Variants in CDKN1A observed in about 807,000 individuals in gnomAD.
CDKN1A encodes the protein cyclin dependent kinase inhibitor 1A, also known as cyclin-dependent kinase inhibitor 1.
A neutral mutation model predicts 14.8 loss-of-function variants in CDKN1A; 14 were observed. The observed-to-expected ratio is 0.94, with a 90% CI of 0.62 to 1.48. The LOEUF (loss-of-function observed/expected upper bound fraction) is 1.48. Ranked by LOEUF, CDKN1A falls within the 40% of genes most tolerant of loss-of-function variation. The pLI is 0.00. For missense variants in CDKN1A, 203 were observed against 231.7 expected (o/e 0.88, Z 0.80); for synonymous variants, 92 against 93.5 (o/e 0.98, Z 0.09).
rs1414782201 is a variant in CDKN1A at position 36,686,450 on chromosome 6, C to A, written c.*650C>A. The A allele has an allele frequency of 4.6e-5, 11 of 239,906 alleles. No individual in the cohort carries two copies. The highest frequency in any genetic ancestry group is 3.2e-4 in the Admixed American group (6 of 18,924). The allele number at this position is 239,906 out of a possible 1,614,324, so 14.9% of individuals were successfully genotyped here. A position where few individuals can be genotyped will look rare whatever the true frequency, so the allele number is the denominator to read the frequency against. On this transcript the variant is annotated 3_prime_UTR_variant, in exon 3 of 3. Coordinates refer to ENST00000244741, the MANE Select transcript of CDKN1A (RefSeq NM_000389.5). This position sits in a 1 kb window ranked among gnomAD's most constrained non-coding sequence, Gnocchi z 4.9. ...TGTGAAGGCAGGGGGAAGGTGGGGTCCTGGAGCAGACCACCCCGCCTGCCC... is the reference window on the plus strand; with the variant it reads ...TGTGAAGGCAGGGGGAAGGTGGGGTACTGGAGCAGACCACCCCGCCTGCCC...
chr6:36,684,225 A>C lies in CDKN1A; in HGVS notation c.124A>C (p.Ile42Leu), dbSNP rs1274275610. ...CTGTGATGCGCTAATGGCGGGCTGCATCCAGGAGGCCCGTGAGCGATGGAA... is the reference window on the plus strand; with the variant it reads ...CTGTGATGCGCTAATGGCGGGCTGCCTCCAGGAGGCCCGTGAGCGATGGAA... Reference protein sequence around the residue: ...RDCDALMAGCIQEARERWNFD... With the variant: ...RDCDALMAGCLQEARERWNFD... The change falls in exon 2 of 3, where the codon ATC (isoleucine) becomes CTC (leucine). Residue 42 changes from isoleucine to leucine, a missense_variant. Coordinates refer to ENST00000244741, the MANE Select transcript of CDKN1A (RefSeq NM_000389.5). The surrounding 1 kb of genome is among the most constrained non-coding windows in gnomAD (Gnocchi z 6.0). The C allele has an allele frequency of 1.2e-6, 2 of 1,611,998 alleles. No homozygotes were observed. The highest frequency in any genetic ancestry group is 1.3e-5 in the African/African-American group (1 of 75,046).
At position 36,684,226 on chromosome 6, in the gene CDKN1A, T is replaced by A. The variant is rs150447310; in HGVS notation, c.125T>A (p.Ile42Asn). Residue 42 changes from isoleucine (I) to asparagine (N), a missense_variant, in exon 2 of 3, where the codon ATC (isoleucine) becomes AAC (asparagine). Coordinates refer to ENST00000244741, the MANE Select transcript of CDKN1A (RefSeq NM_000389.5). The surrounding 1 kb of genome is among the most constrained non-coding windows in gnomAD (Gnocchi z 6.0). ...RDCDALMAGC[I>N]QEARERWNFD... is the part of the protein sequence containing the mutation. The stretch of plus-strand genomic sequence containing the variant: ...TGTGATGCGCTAATGGCGGGCTGCA[T>A]CCAGGAGGCCCGTGAGCGATGGAAC... 7.4e-6 allele frequency: 12 copies of A among 1,611,870 alleles called. No individual in the cohort carries two copies. The African/African-American group carries it at 1.5e-4, about 20-fold the overall frequency.
In CDKN1A at chr6:36,684,065, T is replaced by C. The variant is rs1220760546; in HGVS notation, c.-5-32T>C. The C allele has an allele frequency of 1.9e-6, 3 of 1,607,270 alleles. No homozygotes were observed. The highest frequency in any genetic ancestry group is 1.3e-5 in the African/African-American group (1 of 74,806). ...GTAACATAGTGTCTAATCTCCGCCG[T>C]GACCAGGGCCTTCCTTGTATCTCTG... On this transcript the variant is annotated intron_variant, in intron 1 of 2. Coordinates refer to ENST00000244741, the MANE Select transcript of CDKN1A (RefSeq NM_000389.5). The surrounding 1 kb of genome is among the most constrained non-coding windows in gnomAD (Gnocchi z 6.0).
upstream of CDKN1A, chr6:36,678,027 C>A: frequency 2.0e-6 from 1 of 500,592 alleles, no homozygotes; most frequent in Non-Finnish European, 3.7e-6. The surrounding 1 kb of genome is among the most constrained non-coding windows in gnomAD (Gnocchi z 5.7). Context: ...CTCCAATTCC[C>A]TCCTTCCCGG....
chr6:36,679,037 G>A, intron 1 of CDKN1A: 1 of 935,356 alleles, frequency 1.1e-6, no homozygotes, highest in Non-Finnish European at 1.3e-6. Flanking sequence ...AGACCCCGGG[G>A]CGGAGAGCGG....
chr6:36,682,021 AG>A (rs1367468282), intron 1 of CDKN1A, among the ~76,000 whole-genome samples: 1 of 152,194 alleles, frequency 6.6e-6, no homozygotes, highest in East Asian at 1.9e-4. Context: ...TTAGGATTAC[AG>A]GCATAAGCCA....
chr6:36,678,731 C>A lies in CDKN1A; in HGVS notation c.-73C>A, dbSNP rs1049740495. 9.1e-6 allele frequency: 9 copies of A among 985,536 alleles called. No individual in the cohort carries two copies. In the South Asian group the frequency reaches 3.3e-4, roughly 36 times the overall value. 61.0% of individuals were successfully genotyped at this position (985,536 alleles called of 1,614,324 possible). A position where few individuals can be genotyped will look rare whatever the true frequency, so the allele number is the denominator to read the frequency against. On this transcript the variant is annotated 5_prime_UTR_variant, in exon 1 of 3. Coordinates refer to ENST00000244741, the MANE Select transcript of CDKN1A (RefSeq NM_000389.5). The surrounding 1 kb of genome is among the most constrained non-coding windows in gnomAD (Gnocchi z 5.7). ...CGCCAGCTGAGGTGTGAGCAGCTGC[C>A]GAAGTCAGTTCCTTGTGGAGCCGGA...
At chr6:36,681,431 C>T (rs1453882861) in intron 1 of CDKN1A, among the ~76,000 whole-genome samples, 2 of 131,880 alleles carry the variant, frequency 1.5e-5, no homozygotes, top group East Asian at 4.3e-4. Flanking sequence ...CTCTTTCTTT[C>T]TCTTTCTCTC....
chr6:36,681,124 T>TTTGTATG (rs1761925333), intron 1 of CDKN1A, among the ~76,000 whole-genome samples: 1 of 152,184 alleles, frequency 6.6e-6, no homozygotes, highest in African/African-American at 2.4e-5. Context: ...CATACCAGTG[T>TTTGTATG]GTCTCCGCTT....
intron 1 of CDKN1A, among the ~76,000 whole-genome samples, chr6:36,682,984 C>T (rs1389677017): frequency 2.0e-5 from 3 of 152,212 alleles, no homozygotes. Flanking sequence ...CTCCTTACCC[C>T]TAGGCCACCC....
intron 1 of CDKN1A, among the ~76,000 whole-genome samples, chr6:36,679,795 C>T (rs766920639): frequency 6.7e-5 from 10 of 149,286 alleles, no homozygotes; most frequent in Non-Finnish European, 1.3e-4. Flanking sequence ...CGGGTCGGGG[C>T]GCTGGACTCC....
At position 36,684,120 on chromosome 6, in the gene CDKN1A, G is replaced by T; in HGVS notation, c.19G>T (p.Asp7Tyr). 6.2e-7 allele frequency: 1 copy of T among 1,613,478 alleles called. No individual in the cohort carries two copies. Among genetic ancestry groups the T allele is most frequent in the Non-Finnish European group, 8.5e-7 (1 of 1,179,994 alleles). Residue 7 changes from aspartate to tyrosine, a missense_variant, in exon 2 of 3, where the codon GAT (aspartate) becomes TAT (tyrosine). Transcript: ENST00000244741. The surrounding 1 kb of genome is among the most constrained non-coding windows in gnomAD (Gnocchi z 6.0). ...AGGCGCCATGTCAGAACCGGCTGGG[G>T]ATGTCCGTCAGAACCCATGCGGCAG... Reference protein sequence around the residue: MSEPAGDVRQNPCGSKA... With the variant: MSEPAGYVRQNPCGSKA...
Position 36,686,065 on chromosome 6 carries a change from C to G in CDKN1A, c.*265C>G, listed in dbSNP as rs1762194167. 1 of 529,958 alleles carries G rather than the reference C, an allele frequency of 1.9e-6. No individual in the cohort carries two copies. Among genetic ancestry groups the G allele is most frequent in the Non-Finnish European group, 3.4e-6 (1 of 294,716 alleles). The allele number at this position is 529,958 out of a possible 1,614,324, so 32.8% of individuals were successfully genotyped here. On this transcript the variant is annotated 3_prime_UTR_variant, in exon 3 of 3. Transcript: ENST00000244741. This position sits in a 1 kb window ranked among gnomAD's most constrained non-coding sequence, Gnocchi z 4.9. ...GAAATACTATTTAAAGCCTCCTCATCCCGTGTTCTCCTTTTCCTCTCTCCC... is the reference window on the plus strand; with the variant it reads ...GAAATACTATTTAAAGCCTCCTCATGCCGTGTTCTCCTTTTCCTCTCTCCC...
chr6:36,676,609 C>A (rs3829963), upstream of CDKN1A: 31,715 of 152,110 alleles, frequency 0.21, 4,076 homozygotes, highest in East Asian at 0.41. Context: ...GGTATGTGAT[C>A]TGCCAGCAGA....
chr6:36,679,672 A>G (rs1481761836), intron 1 of CDKN1A, among the ~76,000 whole-genome samples: 1 of 152,086 alleles, frequency 6.6e-6, no homozygotes, highest in Non-Finnish European at 1.5e-5. Flanking sequence ...GGGGTCGGGG[A>G]GTCACGGCCC....
intron 1 of CDKN1A, among the ~76,000 whole-genome samples, chr6:36,679,259 C>G (rs930061637): frequency 6.6e-6 from 1 of 152,176 alleles, no homozygotes; most frequent in African/African-American, 2.4e-5. Context: ...GTAAGTTCGT[C>G]TAGGATCGGT....
In CDKN1A at chr6:36,685,897, T is replaced by C; in HGVS notation, c.*97T>C. On this transcript the variant is annotated 3_prime_UTR_variant, in exon 3 of 3. Transcript: ENST00000244741. Reference sequence around the variant, plus strand: ...GTCTCAGTTTGTGTGTCTTAATTATTATTTGTGTTTTAATTTAAACACCTC... The same window carrying C: ...GTCTCAGTTTGTGTGTCTTAATTATCATTTGTGTTTTAATTTAAACACCTC... 5 of 1,208,754 alleles carry C rather than the reference T, an allele frequency of 4.1e-6. No individual in the cohort carries two copies. Among genetic ancestry groups the C allele is most frequent in the Non-Finnish European group, 6.1e-6 (5 of 817,008 alleles). The allele number at this position is 1,208,754 out of a possible 1,614,324, so 74.9% of individuals were successfully genotyped here.
chr6:36,680,356 G>T (rs938406681), intron 1 of CDKN1A: 1 of 146,094 alleles, frequency 6.8e-6, no homozygotes, highest in African/African-American at 2.5e-5. Context: ...CTGTGTCAGA[G>T]ACGGCACAAG....
rs1762197824 is a variant in CDKN1A at position 36,686,148 on chromosome 6, G to T, written c.*348G>T. On this transcript the variant is annotated 3_prime_UTR_variant, in exon 3 of 3. Coordinates refer to ENST00000244741, the MANE Select transcript of CDKN1A (RefSeq NM_000389.5). This position sits in a 1 kb window ranked among gnomAD's most constrained non-coding sequence, Gnocchi z 4.9. ...CTTCCTCCTCCCCACTTGTCCGCTG[G>T]GTGGTACCCTCTGGAGGGGTGTGGC... The T allele has an allele frequency of 2.2e-6, 1 of 456,584 alleles. No individual in the cohort carries two copies. The highest frequency in any genetic ancestry group is 4.0e-6 in the Non-Finnish European group (1 of 249,360). 28.3% of individuals were successfully genotyped at this position (456,584 alleles called of 1,614,324 possible).
Sources: allele counts gnomAD v4.1 joint callset (sites outside exome capture counted in the v4.1 genomes callset), GRCh38; gene constraint gnomAD v4.1.1; non-coding constraint Gnocchi (gnomAD v3.1); transcripts MANE v1.5; gene names NCBI Gene and HGNC (gene_info 2026-07-23, HGNC 2026-07-21).